Variants in PBX1 observed in about 807,000 individuals in gnomAD.
PBX1 encodes the protein PBX homeobox 1.
In PBX1, 6 loss-of-function variants were observed where a neutral mutation model predicts 53.4. The observed-to-expected ratio is 0.11, with a 90% CI of 0.06 to 0.22. PBX1 has a LOEUF of 0.22. Ranked by LOEUF, PBX1 falls within the 10% of genes least tolerant of loss-of-function variation. The pLI, the probability that PBX1 is intolerant of heterozygous loss-of-function variation, is 1.00. For synonymous variants in PBX1, 204 were observed against 212.3 expected (o/e 0.96, Z 0.34); for missense variants, 251 against 551.4 (o/e 0.46, Z 5.46).
At chr1:164,786,120 G>A (rs1185172270) in intron 2 of PBX1, among the ~76,000 whole-genome samples, 1 of 152,200 alleles carries the variant, frequency 6.6e-6, no homozygotes, top group African/African-American at 2.4e-5. Flanking sequence ...ACAGGGAATT[G>A]GCTGCCTGGC....
intron 3 of PBX1, among the ~76,000 whole-genome samples, chr1:164,794,524 G>T (rs1055588077): frequency 1.3e-5 from 2 of 152,092 alleles, no homozygotes; most frequent in African/African-American, 4.8e-5. Context: ...ATCCTCCTTT[G>T]CCTTCTTGGG....
In PBX1 at chr1:164,619,314, A is replaced by G. The variant is rs564213261; in HGVS notation, c.265+56003A>G. ...GCAGAGGGTGGGGCATTGGATCTTC[A>G]CTGCACAAACTTGGCAGAGGAAAAA... On this transcript the variant is annotated intron_variant, in intron 2 of 8. Transcript: ENST00000420696. Among the ~76,000 whole-genome samples the G allele has an allele frequency of 3.3e-5, 5 of 152,198 alleles. No individual in the cohort carries two copies. The South Asian group carries it at 1.0e-3, about 32-fold the overall frequency.
At chr1:164,773,243 G>GCGCGCACACACACA (rs113836981) in intron 2 of PBX1, among the ~76,000 whole-genome samples, 1 of 147,784 alleles carries the variant, frequency 6.8e-6, no homozygotes, top group East Asian at 2.0e-4. Flanking sequence ...GGTAACACGC[G>GCGCGCACACACACA]CACACACACA....
chr1:164,634,781 A>C (rs1249253957), intron 2 of PBX1, among the ~76,000 whole-genome samples: 1 of 152,080 alleles, frequency 6.6e-6, no homozygotes, highest in Non-Finnish European at 1.5e-5. Context: ...TTTGGGAGAA[A>C]TGATTACTCT....
chr1:164,714,339 C>G (rs763707281), intron 2 of PBX1, among the ~76,000 whole-genome samples: 1 of 152,164 alleles, frequency 6.6e-6, no homozygotes, highest in Non-Finnish European at 1.5e-5. Context: ...TACATGTAGG[C>G]TAAGCCCCCG....
At position 164,847,216 on chromosome 1, in the gene PBX1, C is replaced by G. The variant is rs1352573369; in HGVS notation, c.*540C>G. The G allele has an allele frequency of 9.3e-7, 1 of 1,073,826 alleles. No individual in the cohort carries two copies. Among genetic ancestry groups the G allele is most frequent in the Non-Finnish European group, 1.1e-6 (1 of 883,692 alleles). 66.5% of individuals were successfully genotyped at this position (1,073,826 alleles called of 1,614,324 possible). On this transcript the variant is annotated 3_prime_UTR_variant, in exon 9 of 9. Transcript: ENST00000420696. ...CATTGCCCTATTCATTCCAGGCCTC[C>G]CTGCTTCCTCTTGCTCTTCCTCCCT...
In PBX1 at chr1:164,851,500, A is replaced by G. The variant is rs1242080116; in HGVS notation, c.*4824A>G. The G allele has an allele frequency of 5.3e-6, 1 of 189,978 alleles. No individual in the cohort carries two copies. Among genetic ancestry groups the G allele is most frequent in the Non-Finnish European group, 1.1e-5 (1 of 90,480 alleles). The allele number at this position is 189,978 out of a possible 1,614,324, so 11.8% of individuals were successfully genotyped here. A position where few individuals can be genotyped will look rare whatever the true frequency, so the allele number is the denominator to read the frequency against. ...TTTCTTTTGTTAAAATAAATAAAACATTCAATGTTTTTCTCCTTTTCTCTC... is the reference window on the plus strand; with the variant it reads ...TTTCTTTTGTTAAAATAAATAAAACGTTCAATGTTTTTCTCCTTTTCTCTC... On this transcript the variant is annotated 3_prime_UTR_variant, in exon 9 of 9. Coordinates refer to ENST00000420696, the MANE Select transcript of PBX1 (RefSeq NM_002585.4).
At chr1:164,724,641 T>G (rs1028742761) in intron 2 of PBX1, among the ~76,000 whole-genome samples, 9 of 150,136 alleles carry the variant, frequency 6.0e-5, no homozygotes, top group Non-Finnish European at 1.3e-4. Flanking sequence ...CTTATTTTTC[T>G]TCACAGATGC....
intron 2 of PBX1, among the ~76,000 whole-genome samples, chr1:164,741,739 A>AGTGAGTGT (rs147987402): frequency 3.6e-5 from 5 of 140,812 alleles, no homozygotes; most frequent in Non-Finnish European, 7.7e-5. Context: ...TGTATGAGTG[A>AGTGAGTGT]GTGTGTGTGT....
At chr1:164,865,095 T>C (rs1460233429) in intron 2 of PBX1, among the ~76,000 whole-genome samples, 1 of 152,252 alleles carries the variant, frequency 6.6e-6, no homozygotes, top group Non-Finnish European at 1.5e-5. Context: ...TAAGGTGTAC[T>C]GACACATTCC....
intron 2 of PBX1, among the ~76,000 whole-genome samples, chr1:164,637,880 T>C (rs1616235): frequency 0.51 from 77,995 of 151,914 alleles, 20,414 homozygotes; most frequent in South Asian, 0.64. Flanking sequence ...GACTCAAGCT[T>C]CTTACTCATC....
intron 2 of PBX1, among the ~76,000 whole-genome samples, chr1:164,856,858 T>TAGGG (rs1170643418): frequency 3.3e-5 from 5 of 152,206 alleles, no homozygotes. Flanking sequence ...ACTGGTCCCC[T>TAGGG]ATCTGCTGCT....
intron 2 of PBX1, among the ~76,000 whole-genome samples, chr1:164,669,775 A>G (rs1661014818): frequency 6.6e-6 from 1 of 152,148 alleles, no homozygotes; most frequent in Non-Finnish European, 1.5e-5. Context: ...TCCTTTGTGT[A>G]TATCCATGTT....
At chr1:164,584,894 C>T (rs899486445) in intron 2 of PBX1, among the ~76,000 whole-genome samples, 4 of 152,084 alleles carry the variant, frequency 2.6e-5, no homozygotes, top group Admixed American at 2.0e-4. Context: ...TTTCTTTTTC[C>T]CCCTCTTTTA....
In PBX1 at chr1:164,677,185, C is replaced by T. The variant is rs538251986; in HGVS notation, c.265+113874C>T. ...TCGGCTCACTGCAAGCTCCGCTTCC[C>T]GGGTTCACGCCATTCTCCTGCCTCA... On this transcript the variant is annotated intron_variant, in intron 2 of 8. Coordinates refer to ENST00000420696, the MANE Select transcript of PBX1 (RefSeq NM_002585.4). Among the ~76,000 whole-genome samples, 203 of 150,870 alleles carry T rather than the reference C, an allele frequency of 1.3e-3. No homozygotes were observed. The East Asian group carries it at 0.014, about 10-fold the overall frequency.
chr1:164,653,429 ATG>A (rs1215642313), intron 2 of PBX1, among the ~76,000 whole-genome samples: 10 of 151,796 alleles, frequency 6.6e-5, no homozygotes, highest in African/African-American at 2.4e-4. Context: ...CACATGGGTG[ATG>A]GCCTGGCTCC....
chr1:164,885,317 C>A (rs1672752569), intron 2 of PBX1, among the ~76,000 whole-genome samples: 1 of 152,076 alleles, frequency 6.6e-6, no homozygotes, highest in Non-Finnish European at 1.5e-5. Context: ...TGGCAAAACA[C>A]ATTGATAAAG....
At chr1:164,844,609 AGT>A (rs1301718791) in intron 8 of PBX1, among the ~76,000 whole-genome samples, 1 of 152,184 alleles carries the variant, frequency 6.6e-6, no homozygotes, top group African/African-American at 2.4e-5. Flanking sequence ...ATTAGCGATA[AGT>A]ATATCTTATT....
At chr1:164,777,100 C>T (rs1304057123) in intron 2 of PBX1, among the ~76,000 whole-genome samples, 8 of 152,044 alleles carry the variant, frequency 5.3e-5, no homozygotes, top group Admixed American at 4.6e-4. Context: ...ATAATAGTTT[C>T]GGAAAACCAC....
Sources: allele counts gnomAD v4.1 joint callset (sites outside exome capture counted in the v4.1 genomes callset), GRCh38; gene constraint gnomAD v4.1.1; transcripts MANE v1.5; gene names NCBI Gene and HGNC (gene_info 2026-07-23, HGNC 2026-07-21).